SLC22A4: variants seen among roughly 807,000 people sequenced by gnomAD.
SLC22A4 encodes ET transporter.
In SLC22A4, 39 loss-of-function variants were observed where a neutral mutation model predicts 56.6. The ratio of observed to expected loss-of-function variants is 0.69; its 90% CI spans 0.53 to 0.90. The LOEUF is 0.90. Among genes scored for constraint, SLC22A4 ranks in the 40% least tolerant of loss-of-function variants. SLC22A4 has a pLI of 0.00. For synonymous variants in SLC22A4, 241 were observed against 281.4 expected (o/e 0.86, Z 1.44); for missense variants, 594 against 696.5 (o/e 0.85, Z 1.66).
chr5:132,330,174 T>G (rs1750814665), intron 5 of SLC22A4, among the ~76,000 whole-genome samples: 2 of 152,180 alleles, frequency 1.3e-5, no homozygotes, highest in Non-Finnish European at 2.9e-5. Context: ...TGATCATTCC[T>G]AGAAAAAAGG....
At chr5:132,335,011 T>C in intron 7 of SLC22A4, 79 bp downstream of exon 7, 2 of 956,762 alleles carry the variant, frequency 2.1e-6, no homozygotes, top group Non-Finnish European at 3.4e-6. Flanking sequence ...CACTGCTCCA[T>C]GTTTATTCAG....
intron 1 of SLC22A4, among the ~76,000 whole-genome samples, chr5:132,301,680 A>G (rs1046006564): frequency 1.3e-5 from 2 of 152,248 alleles, no homozygotes; most frequent in African/African-American, 4.8e-5. Context: ...GCAGCAAGCA[A>G]GGGAATAATG....
intron 3 of SLC22A4, among the ~76,000 whole-genome samples, chr5:132,319,260 C>T (rs1750458173): frequency 6.7e-6 from 1 of 149,514 alleles, no homozygotes; most frequent in Admixed American, 6.7e-5. Context: ...TGAGATTGCA[C>T]CACTGCACTC....
At chr5:132,318,513 G>A (rs1052735305) in intron 3 of SLC22A4, among the ~76,000 whole-genome samples, 5 of 152,104 alleles carry the variant, frequency 3.3e-5, no homozygotes, top group Admixed American at 6.5e-5. Context: ...TGTTTCTTGA[G>A]CTGGGGTCTA....
At chr5:132,307,451 A>C (rs114134938) in intron 1 of SLC22A4, among the ~76,000 whole-genome samples, 136 of 152,312 alleles carry the variant, frequency 8.9e-4, no homozygotes, top group African/African-American at 3.2e-3. Context: ...GGACTGGAAT[A>C]ATTTTTATTT....
intron 1 of SLC22A4, among the ~76,000 whole-genome samples, chr5:132,297,177 G>A (rs1749799134): frequency 6.6e-6 from 1 of 152,134 alleles, no homozygotes; most frequent in Non-Finnish European, 1.5e-5. Context: ...AATTAGCTGG[G>A]AGTGGTGGTG....
At chr5:132,305,525 A>G (rs1750006941) in intron 1 of SLC22A4, among the ~76,000 whole-genome samples, 1 of 152,210 alleles carries the variant, frequency 6.6e-6, no homozygotes, top group Non-Finnish European at 1.5e-5. Flanking sequence ...GACAAAAACG[A>G]AGGGAAAATT....
At position 132,327,372 on chromosome 5, in the gene SLC22A4, C is replaced by G; in HGVS notation, c.920C>G (p.Ala307Gly). The change falls in exon 5 of 10, where the codon GCT becomes GGT. Residue 307 changes from alanine (A) to glycine (G), a missense_variant. Ala to Gly is a moderately conservative substitution (Grantham distance 60, BLOSUM62 0). Transcript: ENST00000200652. Reference sequence around the variant, plus strand: ...AAAGCTGCAAAAATGAACAACATAGCTGTACCAGCAGTGATATTTGATTCT... The same window carrying G: ...AAAGCTGCAAAAATGAACAACATAGGTGTACCAGCAGTGATATTTGATTCT... Reference protein sequence around the residue: ...IQKAAKMNNIAVPAVIFDSVE... With the variant: ...IQKAAKMNNIGVPAVIFDSVE... 6.2e-7 allele frequency: 1 copy of G among 1,612,086 alleles called. No individual in the cohort carries two copies. The highest frequency in any genetic ancestry group is 8.5e-7 in the Non-Finnish European group (1 of 1,178,184).
intron 5 of SLC22A4, 25 bp from the exon 6 acceptor site, chr5:132,331,731 G>A: frequency 6.6e-7 from 1 of 1,521,018 alleles, no homozygotes; most frequent in Non-Finnish European, 9.1e-7. Flanking sequence ...TAATCTCATG[G>A]TTATTTGCAT....
chr5:132,333,832 G>A (rs1750936446), intron 6 of SLC22A4, among the ~76,000 whole-genome samples: 1 of 151,938 alleles, frequency 6.6e-6, no homozygotes, highest in South Asian at 2.1e-4. Flanking sequence ...TTGAGATAGA[G>A]TTTCGCTCTG....
rs1261006866 is a variant in SLC22A4, at chr5:132,328,834, T to TAC, written c.951+1432_951+1433insCA. Among the ~76,000 whole-genome samples, 7 of 83,224 alleles carry TAC rather than the reference T, an allele frequency of 8.4e-5. 1 individual carries two copies. The South Asian group carries it at 1.8e-3, about 22-fold the overall frequency. The allele number at this position is 83,224 out of a possible 152,430, so 54.6% of individuals were successfully genotyped here. A position where few individuals can be genotyped will look rare whatever the true frequency, so the allele number is the denominator to read the frequency against. ...TTCTGGCAGTGCCTTTATATATATA[T>TAC]ATATACACACACACACACACACACA... is the stretch of plus-strand genomic sequence containing the variant. On this transcript the variant is annotated intron_variant, in intron 5 of 9. Transcript: ENST00000200652.
At chr5:132,329,916 C>A (rs1750806568) in intron 5 of SLC22A4, among the ~76,000 whole-genome samples, 1 of 152,188 alleles carries the variant, frequency 6.6e-6, no homozygotes, top group African/African-American at 2.4e-5. Context: ...CAGGGAGGAA[C>A]CTGGCAACCT....
intron 8 of SLC22A4, among the ~76,000 whole-genome samples, chr5:132,336,781 T>TTA (rs1308442823): frequency 3.3e-5 from 5 of 151,784 alleles, no homozygotes; most frequent in African/African-American, 4.8e-5. Flanking sequence ...CGTTAAAAAA[T>TTA]TATATATATA....
At position 132,337,236 on chromosome 5, in the gene SLC22A4, G is replaced by T. The variant is rs570598349; in HGVS notation, c.1444+1236G>T. The stretch of plus-strand genomic sequence containing the variant: ...ATCTAATTATTAATAGGTAAGAGTG[G>T]TTTTCAATAATCTCACCAACAATAA... On this transcript the variant is annotated intron_variant, in intron 8 of 9. Transcript: ENST00000200652. 2.7e-5 allele frequency among the ~76,000 whole-genome samples: 4 copies of T among 146,612 alleles called. No individual in the cohort carries two copies. The Admixed American group carries it at 2.7e-4, about 10-fold the overall frequency.
chr5:132,311,870 G>C (rs1035360156), intron 1 of SLC22A4: 1 of 494,562 alleles, frequency 2.0e-6, no homozygotes, highest in African/African-American at 1.9e-5. Context: ...CATGGCCTTG[G>C]CTGGCTTCTT....
intron 1 of SLC22A4, among the ~76,000 whole-genome samples, chr5:132,310,125 G>A (rs964345618): frequency 7.9e-5 from 12 of 152,128 alleles, no homozygotes; most frequent in Admixed American, 2.6e-4. Context: ...TATTTAATAA[G>A]CTCATTTTGT....
intron 2 of SLC22A4, 77 bp downstream of exon 2, chr5:132,312,341 C>A (rs757818147): frequency 1.7e-5 from 16 of 947,568 alleles, no homozygotes; most frequent in Non-Finnish European, 2.6e-5. Flanking sequence ...GGACTGAATT[C>A]AGGGTATTTC....
intron 5 of SLC22A4, among the ~76,000 whole-genome samples, chr5:132,329,388 C>T (rs1188024442): frequency 6.6e-6 from 1 of 152,100 alleles, no homozygotes; most frequent in East Asian, 1.9e-4. Flanking sequence ...ATCTGCAGAG[C>T]CCTGTGCCAG....
chr5:132,323,146 TA>T (rs1750594065), intron 4 of SLC22A4, among the ~76,000 whole-genome samples: 2 of 152,352 alleles, frequency 1.3e-5, no homozygotes, highest in Non-Finnish European at 2.9e-5. Context: ...TCTCTCTCAT[TA>T]ATTCTTCTTT....
Sources: allele counts gnomAD v4.1 joint callset (sites outside exome capture counted in the v4.1 genomes callset), GRCh38; gene constraint gnomAD v4.1.1; transcripts MANE v1.5; gene names NCBI Gene and HGNC (gene_info 2026-07-23, HGNC 2026-07-21).